The following SCN10A variants were observed in gnomAD, a reference collection of about 807,000 sequenced individuals.
SCN10A encodes sodium channel protein type 10 subunit alpha.
Under a neutral mutation model 170.7 loss-of-function variants are expected in SCN10A, and 162 were observed. The ratio of observed to expected loss-of-function variants is 0.95; its 90% CI spans 0.84 to 1.08. The LOEUF (loss-of-function observed/expected upper bound fraction) is 1.08, where lower values mean the gene tolerates loss of function less well. Ranked by LOEUF, SCN10A falls within the 50% of genes least tolerant of loss-of-function variation. The pLI, the probability that SCN10A is intolerant of heterozygous loss-of-function variation, is 0.00. For synonymous variants in SCN10A, 985 were observed against 904.6 expected (o/e 1.09, Z -1.59); for missense variants, 2,527 against 2,436.9 (o/e 1.04, Z -0.78).
rs371319837 is a variant in SCN10A, at chr3:38,710,284, C to T, written c.4143+560G>A. 7.9e-5 allele frequency among the ~76,000 whole-genome samples: 12 copies of T among 152,260 alleles called. No homozygotes were observed. The East Asian group carries it at 1.7e-3, about 22-fold the overall frequency. On this transcript the variant is annotated intron_variant, in intron 24 of 27. Coordinates refer to ENST00000449082, the MANE Select transcript of SCN10A (RefSeq NM_006514.4). ...AAGAGATTCTCCTGTCTCAGTCTCC[C>T]GAGCAGCTGGGACTACAGGCACAAG...
At position 38,756,878 on chromosome 3, in the gene SCN10A, G is replaced by C. The variant is rs374658847; in HGVS notation, c.1093-7C>G. ...TCCCAGAAGTCCTCAGGGTCTGCAG[G>C]TTCAAGGGAAAGAAGAGAAACCTGT... On this transcript the variant is annotated splice_polypyrimidine_tract_variant and splice_region_variant and intron_variant, in intron 9 of 27. Transcript: ENST00000449082. 5.0e-6 allele frequency: 8 copies of C among 1,613,926 alleles called. No individual in the cohort carries two copies. Among genetic ancestry groups the C allele is most frequent in the East Asian group, 2.2e-5 (1 of 44,876 alleles).
rs140226131 is a variant in SCN10A at position 38,777,891 on chromosome 3, C to T, written c.471-6484G>A. Among the ~76,000 whole-genome samples the T allele has an allele frequency of 2.7e-3, 406 of 152,110 alleles. 2 individuals carry two copies. Among genetic ancestry groups the T allele is most frequent in the African/African-American group, 9.1e-3 (378 of 41,524 alleles). ...TTGGAAGCCTATCTCATACCACACA[C>T]ATACAAAAATAAATTCTAGGAGATT... On this transcript the variant is annotated intron_variant, in intron 4 of 27. Transcript: ENST00000449082.
Position 38,698,174 on chromosome 3 carries a change from C to A in SCN10A, c.5046G>T (p.Leu1682=). 1.2e-6 allele frequency: 2 copies of A among 1,614,084 alleles called. No homozygotes were observed. The highest frequency in any genetic ancestry group is 1.7e-6 in the Non-Finnish European group (2 of 1,180,016). Residue 1682 remains leucine, a synonymous_variant, in exon 28 of 28, where the codon CTG becomes CTT. Coordinates refer to ENST00000449082, the MANE Select transcript of SCN10A (RefSeq NM_006514.4). ...CCCCTCTGGTGCCATTGCTGTTGGG[C>A]AGATTGGGGTCACAGTAGGGGGGCC... The part of the protein sequence containing the change: ...NTGPPYCDPN[L]PNSNGTRGDC...
rs1268947413 is a variant in SCN10A at position 38,742,373 on chromosome 3, A to T, written c.2024T>A (p.Ile675Asn). The stretch of plus-strand genomic sequence containing the variant: ...GGCCATGAAGATGGTGTTCACCACG[A>T]TGCACAAGGTGATGGTGAGCTCTGC... ...PFAELTITLC[I>N]VVNTIFMAME... Residue 675 changes from isoleucine (I) to asparagine (N), a missense_variant, in exon 14 of 28, where the codon ATC becomes AAC. Transcript: ENST00000449082. 2 of 1,614,066 alleles carry T rather than the reference A, an allele frequency of 1.2e-6. No individual in the cohort carries two copies. The highest frequency in any genetic ancestry group is 1.7e-6 in the Non-Finnish European group (2 of 1,180,038).
chr3:38,772,718 CAACAA>C (rs2064020189), intron 4 of SCN10A, among the ~76,000 whole-genome samples: 4 of 76,580 alleles, frequency 5.2e-5, no homozygotes, highest in African/African-American at 2.2e-4. Context: ...GCAACAACAA[CAACAA>C]CAAAAACAAA....
At chr3:38,783,102 C>T (rs1017706486) in intron 4 of SCN10A, among the ~76,000 whole-genome samples, 3 of 152,108 alleles carry the variant, frequency 2.0e-5, no homozygotes, top group African/African-American at 7.2e-5. Flanking sequence ...AGTTCTACCA[C>T]TTAAGGGCTC....
At chr3:38,728,124 G>A (rs147989553) in intron 16 of SCN10A, among the ~76,000 whole-genome samples, 11 of 152,252 alleles carry the variant, frequency 7.2e-5, no homozygotes, top group South Asian at 6.2e-4. Flanking sequence ...AATAGACACC[G>A]TTTATTGAGT....
At chr3:38,738,465 A>T (rs145364412) in intron 15 of SCN10A, among the ~76,000 whole-genome samples, 1 of 152,190 alleles carries the variant, frequency 6.6e-6, no homozygotes, top group African/African-American at 2.4e-5. Context: ...GGCCCCTGTG[A>T]TAGGGTCCCA....
intron 4 of SCN10A, among the ~76,000 whole-genome samples, chr3:38,784,805 T>G (rs1217931790): frequency 6.6e-6 from 1 of 152,052 alleles, no homozygotes; most frequent in Non-Finnish European, 1.5e-5. Context: ...AAAATCAATG[T>G]GCAAAAATCA....
intron 11 of SCN10A, among the ~76,000 whole-genome samples, chr3:38,754,186 A>G (rs2063778650): frequency 6.6e-6 from 1 of 152,216 alleles, no homozygotes; most frequent in South Asian, 2.1e-4. Context: ...AAGAACCCCT[A>G]CATGCTATTT....
At chr3:38,733,243 G>A (rs1230180909) in intron 15 of SCN10A, among the ~76,000 whole-genome samples, 1 of 152,008 alleles carries the variant, frequency 6.6e-6, no homozygotes, top group Non-Finnish European at 1.5e-5. Flanking sequence ...CCACAAGCAG[G>A]AGGCAAACTT....
intron 15 of SCN10A, among the ~76,000 whole-genome samples, chr3:38,736,067 A>G (rs954585246): frequency 5.3e-5 from 8 of 152,240 alleles, no homozygotes; most frequent in Non-Finnish European, 1.2e-4. Context: ...ACAGAGTTTG[A>G]GAATAAGTGA....
intron 5 of SCN10A, among the ~76,000 whole-genome samples, chr3:38,767,867 T>C (rs1158740475): frequency 6.6e-6 from 1 of 152,140 alleles, no homozygotes; most frequent in Non-Finnish European, 1.5e-5. Flanking sequence ...TATATTGCTG[T>C]CTATTTCATT....
chr3:38,707,210 T>G, intron 26 of SCN10A, 69 bp downstream of exon 26: 1 of 1,532,308 alleles, frequency 6.5e-7, no homozygotes, highest in Non-Finnish European at 8.9e-7. Context: ...GGCCCCTGCC[T>G]GACACAGGCA....
intron 5 of SCN10A, among the ~76,000 whole-genome samples, chr3:38,768,495 T>C (rs2063959149): frequency 6.6e-6 from 1 of 152,230 alleles, no homozygotes; most frequent in Non-Finnish European, 1.5e-5. Flanking sequence ...TCTTCACTTA[T>C]GAAGCTTAGT....
chr3:38,770,298 C>T (rs2063983503), intron 5 of SCN10A, among the ~76,000 whole-genome samples: 1 of 152,118 alleles, frequency 6.6e-6, no homozygotes, highest in Non-Finnish European at 1.5e-5. Flanking sequence ...AGGTGATGAG[C>T]AGGGCCATAA....
chr3:38,736,968 T>G (rs1438419682), intron 15 of SCN10A, among the ~76,000 whole-genome samples: 1 of 73,772 alleles, frequency 1.4e-5, no homozygotes, highest in African/African-American at 9.2e-5. Flanking sequence ...TGTTCGTTTT[T>G]TTTTTTTTTT....
intron 16 of SCN10A, among the ~76,000 whole-genome samples, chr3:38,727,962 G>A (rs553541087): frequency 2.8e-4 from 43 of 152,146 alleles, no homozygotes; most frequent in Non-Finnish European, 5.0e-4. Context: ...GATGTTGTCC[G>A]TGACCCATTG....
At position 38,726,961 on chromosome 3, in the gene SCN10A, T is replaced by G. The variant is rs755185309; in HGVS notation, c.2732A>C (p.Gln911Pro). 1.2e-6 allele frequency: 2 copies of G among 1,614,232 alleles called. No homozygotes were observed. The highest frequency in any genetic ancestry group is 1.7e-6 in the Non-Finnish European group (2 of 1,180,028). Residue 911 changes from glutamine (Q) to proline (P), a missense_variant, in exon 17 of 28, where the codon CAG becomes CCG. Physicochemically the swap from Gln to Pro is moderately conservative, Grantham distance 76 (BLOSUM62 -1). Coordinates refer to ENST00000449082, the MANE Select transcript of SCN10A (RefSeq NM_006514.4). Reference protein sequence around the residue: ...PEDDGEVNNLQVALARIQVFG... With the variant: ...PEDDGEVNNLPVALARIQVFG... ...GACCTGGATCCGTGCCAGGGCCACC[T>G]GCAGGTTGTTCACCTCCCCATCGTC...
Sources: gnomAD v4.1 joint callset for allele counts (sites outside exome capture counted in the v4.1 genomes callset) on GRCh38, gnomAD v4.1.1 for gene constraint, MANE v1.5 for transcripts, NCBI Gene and HGNC (gene_info 2026-07-23, HGNC 2026-07-21) for gene names.